ENOSF1: variants seen among roughly 807,000 people sequenced by gnomAD.
ENOSF1 encodes enolase superfamily member 1.
Under a neutral mutation model 68.2 loss-of-function variants are expected in ENOSF1, and 73 were observed. The observed-to-expected ratio is 1.07, with a 90% CI of 0.89 to 1.30. ENOSF1 has a LOEUF of 1.30. Ranked by LOEUF, ENOSF1 falls within the 50% of genes most tolerant of loss-of-function variation. The pLI is 0.00. For missense variants in ENOSF1, 589 were observed against 554.5 expected, an observed-to-expected ratio of 1.06 and a Z score of -0.62; for synonymous variants, 223 against 210.4, an observed-to-expected ratio of 1.06 and a Z score of -0.52.
chr18:687,036 G>C (rs995893814), intron 9 of ENOSF1: 54 of 147,646 alleles, frequency 3.7e-4, no homozygotes, highest in Middle Eastern at 3.5e-3. Context: ...CCTCCCCCGG[G>C]TATGCAGAGG....
At chr18:678,807 A>G in intron 11 of ENOSF1, 70 bp from the exon 12 acceptor site, 1 of 1,532,994 alleles carries the variant, frequency 6.5e-7, no homozygotes, top group Non-Finnish European at 9.0e-7. Context: ...GTTTAAAAAC[A>G]TTTATAGCTG....
chr18:680,987 T>C (rs1418467690), intron 11 of ENOSF1, among the ~76,000 whole-genome samples: 1 of 152,070 alleles, frequency 6.6e-6, no homozygotes, highest in Non-Finnish European at 1.5e-5. Context: ...GCTGGGACTA[T>C]AGGTGGGCGG....
intron 2 of ENOSF1, among the ~76,000 whole-genome samples, chr18:704,899 C>T (rs2078769377): frequency 6.6e-6 from 1 of 152,078 alleles, no homozygotes; most frequent in African/African-American, 2.4e-5. Context: ...AATCACCACG[C>T]CTGGCCTATC....
intron 8 of ENOSF1, 105 bp downstream of exon 8, chr18:690,444 T>G: frequency 7.9e-7 from 1 of 1,258,714 alleles, no homozygotes; most frequent in Non-Finnish European, 1.2e-6. Context: ...CACACACATC[T>G]GGTGTCAGAA....
Position 689,760 on chromosome 18 carries a change from AGTGTCTTTTGTAC to A in ENOSF1, c.618+776_618+788del, listed in dbSNP as rs573516513. Reference sequence around the variant, plus strand: ...CCCTTGGCATCTCCTGAGTGATAGGAGTGTCTTTTGTACGTGAACGAGAGAGCCCTGCTGAGGT... The same window carrying A: ...CCCTTGGCATCTCCTGAGTGATAGGAGTGAACGAGAGAGCCCTGCTGAGGT... On this transcript the variant is annotated intron_variant, in intron 8 of 15. Transcript: ENST00000647584. Among the ~76,000 whole-genome samples, 219 of 152,196 alleles carry A rather than the reference AGTGTCTTTTGTAC, an allele frequency of 1.4e-3. 1 individual carries two copies. Among genetic ancestry groups the A allele is most frequent in the African/African-American group, 5.2e-3 (214 of 41,526 alleles).
intron 1 of ENOSF1, 84 bp from the exon 2 acceptor site, chr18:706,662 G>A: frequency 9.8e-7 from 1 of 1,022,052 alleles, no homozygotes; most frequent in Non-Finnish European, 1.5e-6. Context: ...CATGAGGACA[G>A]ACAATGCCAC....
At chr18:695,078 GTATTT>G (rs1322022989) in intron 3 of ENOSF1, among the ~76,000 whole-genome samples, 3 of 152,082 alleles carry the variant, frequency 2.0e-5, no homozygotes, top group Non-Finnish European at 4.4e-5. Flanking sequence ...TTCCAATAAT[GTATTT>G]TATTTTACCC....
At chr18:677,522 T>C in intron 13 of ENOSF1, 78 bp from the exon 14 acceptor site, 1 of 1,349,530 alleles carries the variant, frequency 7.4e-7, no homozygotes, top group Non-Finnish European at 1.0e-6. Flanking sequence ...TTCTGGTTTT[T>C]CTTATTGCCC....
intron 3 of ENOSF1, among the ~76,000 whole-genome samples, chr18:694,667 T>G (rs1308036615): frequency 6.7e-6 from 1 of 150,152 alleles, no homozygotes; most frequent in Non-Finnish European, 1.5e-5. Flanking sequence ...GATATTTAGG[T>G]CTTCCGTCCA....
In ENOSF1 at chr18:683,388, AAG is replaced by A. The variant is rs1362979724; in HGVS notation, c.742-10_742-9del. ...CTGGTTGGCATCCATCATCTGCAAA[AAG>A]AGACTCTTCACAGGGAGGTCAGCCC... On this transcript the variant is annotated splice_polypyrimidine_tract_variant and intron_variant, in intron 10 of 15. Transcript: ENST00000647584. 4 of 1,613,982 alleles carry A rather than the reference AAG, an allele frequency of 2.5e-6. No homozygotes were observed. The highest frequency in any genetic ancestry group is 1.1e-5 in the South Asian group (1 of 91,048).
At position 672,338 on chromosome 18, in the gene ENOSF1, T is replaced by C. The variant is rs1281659506; in HGVS notation, c.*1967A>G. The C allele has an allele frequency of 5.9e-5, 9 of 152,326 alleles. No homozygotes were observed. The highest frequency in any genetic ancestry group is 5.9e-4 in the Admixed American group (9 of 15,286). The allele number at this position is 152,326 out of a possible 1,614,324, so 9.4% of individuals were successfully genotyped here. On this transcript the variant is annotated 3_prime_UTR_variant, in exon 16 of 16. Transcript: ENST00000647584. ...TTGAGTGGAGGTGACTTCAGGCTTA[T>C]TCTCTCTGGCTCTCTGCTCTGGTCG...
chr18:685,859 A>T, intron 10 of ENOSF1, 62 bp downstream of exon 10: 1 of 1,252,022 alleles, frequency 8.0e-7, no homozygotes. Context: ...TAATCTTGAA[A>T]CGAGTTGTAT....
rs114884478 is a variant in ENOSF1, at chr18:675,341, C to T, written c.1210G>A (p.Ala404Thr). 9.0e-5 allele frequency: 145 copies of T among 1,612,250 alleles called. No individual in the cohort carries two copies. In the African/African-American group the frequency reaches 1.7e-3, roughly 19 times the overall value. The change falls in exon 15 of 16, where the codon GCT becomes ACT. Residue 404 changes from alanine (A) to threonine (T), a missense_variant. Transcript: ENST00000647584. The stretch of plus-strand genomic sequence containing the variant: ...CTTACCTTGGGAGGCATGTAGGAAG[C>T]CCGCTGGATCATCACGGGATACTTG... ...HFKYPVMIQRASYMPPKDPGY... is the reference protein window; with the variant it reads ...HFKYPVMIQRTSYMPPKDPGY...
rs957388639 is a variant in ENOSF1, at chr18:673,667, A to G, written c.*638T>C. On this transcript the variant is annotated 3_prime_UTR_variant, in exon 16 of 16. Transcript: ENST00000647584. ...TATTTTGCCCTATTTTTCTCATTTT[A>G]ACTGCATCTTATCCTCAAAATATAA... is the stretch of plus-strand genomic sequence containing the variant. 6.0e-6 allele frequency: 1 copy of G among 167,492 alleles called. No individual in the cohort carries two copies. Among genetic ancestry groups the G allele is most frequent in the African/African-American group, 2.4e-5 (1 of 41,700 alleles). The allele number at this position is 167,492 out of a possible 1,614,324, so 10.4% of individuals were successfully genotyped here.
intron 2 of ENOSF1, among the ~76,000 whole-genome samples, chr18:698,226 T>A (rs1233213065): frequency 6.6e-6 from 1 of 152,238 alleles, no homozygotes; most frequent in African/African-American, 2.4e-5. Context: ...AATCATAGAT[T>A]GACAAGTTTA....
At chr18:676,233 A>G (rs1568011512) in intron 14 of ENOSF1, among the ~76,000 whole-genome samples, 1 of 152,188 alleles carries the variant, frequency 6.6e-6, no homozygotes, top group South Asian at 2.1e-4. Context: ...GTTATTGAAC[A>G]GCTGTGACAG....
chr18:696,356 C>T (rs925807301), intron 3 of ENOSF1, among the ~76,000 whole-genome samples: 1 of 151,838 alleles, frequency 6.6e-6, no homozygotes, highest in East Asian at 1.9e-4. Context: ...GGACTATAGG[C>T]GCCCGCCACC....
chr18:686,089 G>C (rs146074607), intron 9 of ENOSF1, 81 bp from the exon 10 acceptor site: 1 of 946,036 alleles, frequency 1.1e-6, no homozygotes, highest in African/African-American at 1.6e-5. Context: ...AGAAGTGACC[G>C]TCTCTGTCAA....
At chr18:705,079 T>C (rs1006401883) in intron 2 of ENOSF1, among the ~76,000 whole-genome samples, 2 of 152,198 alleles carry the variant, frequency 1.3e-5, no homozygotes, top group Non-Finnish European at 2.9e-5. Flanking sequence ...CATTCGCACA[T>C]ACACACACTC....
Sources: allele counts gnomAD v4.1 joint callset (sites outside exome capture counted in the v4.1 genomes callset), GRCh38; gene constraint gnomAD v4.1.1; transcripts MANE v1.5; gene names NCBI Gene and HGNC (gene_info 2026-07-23, HGNC 2026-07-21).